The following LRRC74B variants were observed in gnomAD, a reference collection of about 807,000 sequenced individuals.
LRRC74B encodes the protein leucine-rich repeat-containing protein 74B.
Under a neutral mutation model 16.6 loss-of-function variants are expected in LRRC74B, and 30 were observed. The ratio of observed to expected loss-of-function variants is 1.80; its 90% confidence interval spans 1.35 to 2.45. The LOEUF is 2.45. LRRC74B is among the 30% of genes most tolerant of loss of function. The probability of loss-of-function intolerance (pLI) is 0.00; values close to 1 mark genes in which losing one functional copy is unlikely to be tolerated. For synonymous variants in LRRC74B, 134 were observed against 86.0 expected (o/e 1.56, Z -3.09); for missense variants, 326 against 202.4 (o/e 1.61, Z -3.71).
At chr22:21,053,453 G>A (rs942403750) in exon 6 of LRRC74B, 23 of 717,124 alleles carry the variant, frequency 3.2e-5, no homozygotes, top group East Asian at 5.4e-5. Context: ...GGCCAACAAC[G>A]TGTTGGAGGA....
intron 4 of LRRC74B, among the ~76,000 whole-genome samples, chr22:21,052,028 C>T (rs544298092): frequency 6.6e-6 from 1 of 152,312 alleles, no homozygotes; most frequent in African/African-American, 2.4e-5. Flanking sequence ...TCTGTTCTCA[C>T]GCCTCCCCCT....
chr22:21,057,049 T>A, intron 7 of LRRC74B, 56 bp from the exon 8 acceptor site: 1 of 711,370 alleles, frequency 1.4e-6, no homozygotes, highest in Non-Finnish European at 2.6e-6. Flanking sequence ...CCTTTCACAT[T>A]GCTCTCTGGC....
At chr22:21,053,468 A>T in exon 6 of LRRC74B, 1 of 716,982 alleles carries the variant, frequency 1.4e-6, no homozygotes, top group Admixed American at 2.0e-5. Flanking sequence ...GGAGGAACTC[A>T]ACATGAGGTG....
chr22:21,046,580 C>T (rs1291036523), intron 1 of LRRC74B, among the ~76,000 whole-genome samples: 1 of 152,048 alleles, frequency 6.6e-6, no homozygotes, highest in African/African-American at 2.4e-5. Flanking sequence ...ACTTCTACTA[C>T]AAACAACATT....
intron 5 of LRRC74B, 31 bp downstream of exon 5, chr22:21,052,389 G>A: frequency 1.4e-6 from 1 of 716,880 alleles, no homozygotes; most frequent in South Asian, 1.5e-5. Flanking sequence ...CGGCCCTACA[G>A]CCTGTCTGCT....
In LRRC74B at chr22:21,057,627, C is replaced by CT. The variant is rs377730946; in HGVS notation, c.1023+436dup. On this transcript the variant is annotated intron_variant, in intron 8 of 8. Transcript: ENST00000442047. ...GATCCCTTTTCATTCAATTTTGCCACTTTTTTTTTGAGTCAGGGTCTCACT... is the reference window on the plus strand; with the variant it reads ...GATCCCTTTTCATTCAATTTTGCCACTTTTTTTTTTGAGTCAGGGTCTCACT... Among the ~76,000 whole-genome samples, 771 of 141,880 alleles carry CT rather than the reference C, an allele frequency of 5.4e-3. 9 individuals are homozygous for CT. The highest frequency in any genetic ancestry group is 7.0e-3 in the Admixed American group (98 of 13,954). The allele number at this position is 141,880 out of a possible 152,430, so 93.1% of individuals were successfully genotyped here.
chr22:21,046,178 G>A (rs966318422), intron 1 of LRRC74B, 53 bp downstream of exon 1: 32 of 710,622 alleles, frequency 4.5e-5, no homozygotes, highest in South Asian at 2.7e-4. Flanking sequence ...GTCTTCTCCC[G>A]CAGGGGTTGG....
chr22:21,049,373 G>A (rs548752104), intron 4 of LRRC74B: 88 of 554,306 alleles, frequency 1.6e-4, no homozygotes, highest in African/African-American at 1.5e-3. Flanking sequence ...GTATGTGCTG[G>A]GCACTGACTT....
Position 21,050,318 on chromosome 22 carries a change from G to A in LRRC74B, c.622+1161G>A, listed in dbSNP as rs370865923. On this transcript the variant is annotated intron_variant, in intron 4 of 8. Coordinates refer to ENST00000442047, the Ensembl canonical transcript of LRRC74B. ...CCAAAGTGCTGCGATTACAGGTGTG[G>A]GCCACCGCGCCTGGCCGAGAATTGT... Among the ~76,000 whole-genome samples the A allele has an allele frequency of 1.1e-3, 168 of 151,946 alleles. 2 individuals carry two copies. The highest frequency in any genetic ancestry group is 2.5e-3 in the African/African-American group (105 of 41,472).
At chr22:21,063,321 T>C (rs1418545232), downstream of LRRC74B, 2 of 152,012 alleles carry the variant, frequency 1.3e-5, no homozygotes, top group African/African-American at 4.8e-5. Context: ...CCCTTCTCAC[T>C]AAAAAAGTGA....
intron 5 of LRRC74B, 104 bp downstream of exon 5, chr22:21,052,462 C>A: frequency 3.0e-6 from 2 of 676,124 alleles, no homozygotes; most frequent in South Asian, 1.6e-5. Flanking sequence ...AACCTTGGAT[C>A]TTTTAAGCAC....
At chr22:21,048,138 A>G in intron 3 of LRRC74B, 122 bp downstream of exon 3, 1 of 678,628 alleles carries the variant, frequency 1.5e-6, no homozygotes, top group Non-Finnish European at 2.7e-6. Context: ...TGGATAGAAG[A>G]GGGGCCTCAT....
At chr22:21,052,382 C>A in intron 5 of LRRC74B, 24 bp downstream of exon 5, 1 of 716,988 alleles carries the variant, frequency 1.4e-6, no homozygotes, top group Middle Eastern at 2.4e-4. Context: ...ACCTAGTCGG[C>A]CCTACAGCCT....
intron 4 of LRRC74B, among the ~76,000 whole-genome samples, chr22:21,049,853 G>T (rs1023246676): frequency 5.3e-5 from 8 of 152,052 alleles, no homozygotes; most frequent in African/African-American, 1.9e-4. Context: ...GCATATTCAG[G>T]AGCTGTCTGC....
Position 21,050,301 on chromosome 22 carries a change from C to T in LRRC74B, c.622+1144C>T, listed in dbSNP as rs180684895. Among the ~76,000 whole-genome samples, 215 of 150,664 alleles carry T rather than the reference C, an allele frequency of 1.4e-3. 1 individual carries two copies. Among genetic ancestry groups the T allele is most frequent in the African/African-American group, 4.7e-3 (192 of 41,142 alleles). ...CCGCCCGCCTTGGCCTCCCAAAGTG[C>T]TGCGATTACAGGTGTGGGCCACCGC... On this transcript the variant is annotated intron_variant, in intron 4 of 8. Coordinates refer to ENST00000442047, the Ensembl canonical transcript of LRRC74B.
exon 6 of LRRC74B, chr22:21,053,367 T>C (rs59837066): frequency 0.012 from 8,753 of 716,852 alleles, 77 homozygotes; most frequent in Middle Eastern, 0.022. Flanking sequence ...TAGGCAAACA[T>C]CTTCCTTAAA....
At chr22:21,052,455 C>T (rs1930147738) in intron 5 of LRRC74B, 97 bp downstream of exon 5, 1 of 685,616 alleles carries the variant, frequency 1.5e-6, no homozygotes, top group South Asian at 1.5e-5. Flanking sequence ...GGAAATGAAC[C>T]TTGGATCTTT....
intron 8 of LRRC74B, among the ~76,000 whole-genome samples, chr22:21,059,330 T>C (rs1423414084): frequency 6.6e-6 from 1 of 152,158 alleles, no homozygotes; most frequent in Non-Finnish European, 1.5e-5. Flanking sequence ...GAGGCAGAGG[T>C]TGCAGTGAGC....
intron 7 of LRRC74B, chr22:21,056,874 T>C (rs1388243949): frequency 3.9e-6 from 2 of 511,036 alleles, no homozygotes; most frequent in Admixed American, 7.0e-5. Flanking sequence ...AAGGCAAGGG[T>C]GTGTCTTGTG....
Sources: allele counts gnomAD v4.1 joint callset (sites outside exome capture counted in the v4.1 genomes callset), GRCh38; gene constraint gnomAD v4.1.1; transcripts MANE v1.5; gene names NCBI Gene and HGNC (gene_info 2026-07-23, HGNC 2026-07-21).